The following PUF60 variants were observed in gnomAD, a reference collection of about 807,000 sequenced individuals.
PUF60 encodes poly(U)-binding-splicing factor PUF60.
PUF60 carries 10 observed loss-of-function variants against 61.8 expected under a neutral mutation model. The observed-to-expected ratio is 0.16, with a 90% CI of 0.10 to 0.27. The LOEUF (loss-of-function observed/expected upper bound fraction) is 0.27. Among genes scored for constraint, PUF60 ranks in the 10% least tolerant of loss-of-function variants. The pLI is 1.00. For missense variants in PUF60, 371 were observed against 754.0 expected, an observed-to-expected ratio of 0.49 and a Z score of 5.95; for synonymous variants, 353 against 300.9, an observed-to-expected ratio of 1.17 and a Z score of -1.79.
intron 1 of PUF60, among the ~76,000 whole-genome samples, chr8:143,825,629 TGC>T (rs1817555398): frequency 6.6e-6 from 1 of 152,050 alleles, no homozygotes; most frequent in African/African-American, 2.4e-5. Context: ...ACTCCAGGCA[TGC>T]GCCGCCACAC....
chr8:143,820,523 C>T (rs1008318001), intron 5 of PUF60, 143 bp downstream of exon 5: 46 of 967,098 alleles, frequency 4.8e-5, no homozygotes, highest in Admixed American at 1.9e-4. Flanking sequence ...GGCCCCACCA[C>T]GCCTGGCGCT....
rs1816493505 is a variant in PUF60 at position 143,817,530 on chromosome 8, G to A, written c.1008+62C>T. On this transcript the variant is annotated intron_variant, in intron 9 of 11. Coordinates refer to ENST00000526683, the MANE Select transcript of PUF60 (RefSeq NM_078480.3). The surrounding 1 kb of genome is among the most constrained non-coding windows in gnomAD (Gnocchi z 7.4). ...GGCTACTCAAGACCACCTTGAATCA[G>A]TCTCCAAGGAATCAGGGGCCAGCCC... 1.9e-6 allele frequency: 3 copies of A among 1,608,218 alleles called. No individual in the cohort carries two copies. The East Asian group carries it at 6.7e-5, about 36-fold the overall frequency.
rs781916079 is a variant in PUF60 at position 143,829,288 on chromosome 8, T to C, written c.16A>G (p.Ile6Val). 23 of 1,268,096 alleles carry C rather than the reference T, an allele frequency of 1.8e-5. No individual in the cohort carries two copies. Among genetic ancestry groups the C allele is most frequent in the Middle Eastern group, 2.0e-4 (1 of 4,918 alleles). The allele number at this position is 1,268,096 out of a possible 1,614,324, so 78.6% of individuals were successfully genotyped here. ...TGGGGGGGCTCACTTACGAGAGCTA[T>C]GGTCGCCGTCGCCATCTTGCGTCCG... MATAT[I>V]ALQVNGQQGG... The change falls in exon 1 of 12, where the codon ATA becomes GTA. Residue 6 changes from isoleucine to valine, a missense_variant. Around this residue, in one of 13 missense-constraint regions of PUF60, gnomAD observed 69 missense variants for 64.7 expected, o/e 1.07. Transcript: ENST00000526683.
At chr8:143,824,813 A>C in intron 1 of PUF60, 1 of 205,418 alleles carries the variant, frequency 4.9e-6, no homozygotes, top group Non-Finnish European at 1.0e-5. Flanking sequence ...CCAGCCCACA[A>C]CTCAGCCCCA....
At chr8:143,828,556 C>A (rs916374604) in intron 1 of PUF60, among the ~76,000 whole-genome samples, 1 of 152,212 alleles carries the variant, frequency 6.6e-6, no homozygotes. Context: ...CCTCTGGATG[C>A]CCACGCAGCT....
In PUF60 at chr8:143,818,213, G is replaced by T; in HGVS notation, c.583C>A (p.Leu195Met). The change falls in exon 7 of 12, where the codon CTG becomes ATG. Residue 195 changes from leucine to methionine, a missense_variant. Leu to Met is a conservative substitution (Grantham distance 15). This residue lies in a region of PUF60 where 31 missense variants were observed against 80.6 expected (regional missense o/e 0.38). Transcript: ENST00000526683. The surrounding 1 kb of genome is among the most constrained non-coding windows in gnomAD (Gnocchi z 7.9). ...LALEQMNSVM[L>M]GGRNIKVGRP... ...CTCACCTTGATGTTCCTGCCCCCCA[G>T]CATCACCGAGTTCATCTGCTCCAAG... The T allele has an allele frequency of 6.2e-7, 1 of 1,611,254 alleles. No homozygotes were observed. Among genetic ancestry groups the T allele is most frequent in the Non-Finnish European group, 8.5e-7 (1 of 1,179,198 alleles).
intron 1 of PUF60, chr8:143,824,748 C>A: frequency 2.9e-6 from 1 of 348,286 alleles, no homozygotes; most frequent in Non-Finnish European, 5.4e-6. Context: ...TGGGTGTCCC[C>A]CATGCCCTCC....
chr8:143,829,255 C>T lies in PUF60; in HGVS notation c.24+25G>A, dbSNP rs782314503. The T allele has an allele frequency of 7.2e-6, 9 of 1,251,130 alleles. No homozygotes were observed. The South Asian group carries it at 9.5e-5, about 13-fold the overall frequency. The allele number at this position is 1,251,130 out of a possible 1,614,324, so 77.5% of individuals were successfully genotyped here. On this transcript the variant is annotated intron_variant, in intron 1 of 11. Coordinates refer to ENST00000526683, the MANE Select transcript of PUF60 (RefSeq NM_078480.3). ...CCGGCCCCGCAAGCCGAGGGCCGCC[C>T]GCGCTCATGGGGGGGCTCACTTACG...
In PUF60 at chr8:143,816,494, T is replaced by C; in HGVS notation, c.*26A>G. 2 of 1,585,306 alleles carry C rather than the reference T, an allele frequency of 1.3e-6. No homozygotes were observed. The highest frequency in any genetic ancestry group is 1.7e-6 in the Non-Finnish European group (2 of 1,166,096). On this transcript the variant is annotated 3_prime_UTR_variant, in exon 12 of 12. Transcript: ENST00000526683. ...AAACCCAGAGGAAACAAGGAACAAG[T>C]GCAAGTCCGGGGAGAGGGACCACTG...
chr8:143,821,902 G>A lies in PUF60; in HGVS notation c.123C>T (p.Ser41=). 6.2e-7 allele frequency: 1 copy of A among 1,603,856 alleles called. No individual in the cohort carries two copies. The highest frequency in any genetic ancestry group is 8.5e-7 in the Non-Finnish European group (1 of 1,176,770). The change falls in exon 3 of 12, where the codon TCC becomes TCT. Residue 41 remains serine, a synonymous_variant. Coordinates refer to ENST00000526683, the MANE Select transcript of PUF60 (RefSeq NM_078480.3). ...DKWKPPQGTD[S]IKMENGQSTA... is the part of the protein sequence containing the mutation. ...TGCTCTGCCCGTTCTCCATCTTGAT[G>A]GAGTCTGTGCCCTGGTAAGGGAGCA...
chr8:143,829,036 G>A (rs1254822972), intron 1 of PUF60: 1 of 1,003,372 alleles, frequency 1.0e-6, no homozygotes, highest in Non-Finnish European at 1.2e-6. Context: ...GCCACACGCC[G>A]CGCCCAGGCC....
chr8:143,828,539 A>G (rs927698340), intron 1 of PUF60, among the ~76,000 whole-genome samples: 2 of 152,054 alleles, frequency 1.3e-5, no homozygotes, highest in Admixed American at 6.6e-5. Context: ...GCAGGGGGCG[A>G]CTCACTCCTC....
chr8:143,818,856 GGGGCTGGGTATCCCAGGCT>G lies in PUF60; in HGVS notation c.349-341_349-323del, dbSNP rs756797125. The G allele has an allele frequency of 4.7e-4, 175 of 370,374 alleles. No individual in the cohort carries two copies. Among genetic ancestry groups the G allele is most frequent in the Admixed American group, 9.2e-4 (21 of 22,940 alleles). The allele number at this position is 370,374 out of a possible 1,614,324, so 22.9% of individuals were successfully genotyped here. On this transcript the variant is annotated intron_variant, in intron 5 of 11. Coordinates refer to ENST00000526683, the MANE Select transcript of PUF60 (RefSeq NM_078480.3). The surrounding 1 kb of genome is among the most constrained non-coding windows in gnomAD (Gnocchi z 7.9). Reference sequence around the variant, plus strand: ...CCACCCAGACCACCCCTCCAGTCTGGGGGCTGGGTATCCCAGGCTGGGCTGGGAGATCCTCCCACTGTCC... The same window carrying G: ...CCACCCAGACCACCCCTCCAGTCTGGGGGCTGGGAGATCCTCCCACTGTCC...
chr8:143,829,227 G>C, intron 1 of PUF60, 53 bp downstream of exon 1: 1 of 1,237,658 alleles, frequency 8.1e-7, no homozygotes, highest in Non-Finnish European at 1.0e-6. Context: ...CTGGGTCGAC[G>C]ACCCGGCCCC....
chr8:143,821,490 G>GT (rs1817014204), intron 4 of PUF60, 107 bp downstream of exon 4: 5 of 1,060,516 alleles, frequency 4.7e-6, no homozygotes, highest in South Asian at 1.4e-5. Context: ...TCGGAGCACT[G>GT]TAACAGCTTG....
chr8:143,821,388 T>C (rs1407311380), intron 4 of PUF60: 2 of 606,488 alleles, frequency 3.3e-6, no homozygotes, highest in East Asian at 5.5e-5. Context: ...GCTGCGGCGC[T>C]TTAGGGGCTC....
At chr8:143,829,147 G>A (rs1271784056) in intron 1 of PUF60, 133 bp downstream of exon 1, 4 of 1,205,616 alleles carry the variant, frequency 3.3e-6, no homozygotes, top group Non-Finnish European at 4.1e-6. Context: ...CACGCGACCC[G>A]GGGACACGAG....
Position 143,816,490 on chromosome 8 carries a change from CA to C in PUF60, c.*29del, listed in dbSNP as rs1816295550. Reference sequence around the variant, plus strand: ...TATAAAACCCAGAGGAAACAAGGAACAAGTGCAAGTCCGGGGAGAGGGACCA... The same window carrying C: ...TATAAAACCCAGAGGAAACAAGGAACAGTGCAAGTCCGGGGAGAGGGACCA... On this transcript the variant is annotated 3_prime_UTR_variant, in exon 12 of 12. Coordinates refer to ENST00000526683, the MANE Select transcript of PUF60 (RefSeq NM_078480.3). 1 of 1,580,794 alleles carries C rather than the reference CA, an allele frequency of 6.3e-7. No individual in the cohort carries two copies. The highest frequency in any genetic ancestry group is 8.6e-7 in the Non-Finnish European group (1 of 1,164,148).
rs557212128 is a variant in PUF60 at position 143,816,412 on chromosome 8, T to C, written c.*108A>G. Reference sequence around the variant, plus strand: ...GCAGCATCCGCACCTTTATCCGCACTGTAGGCTGGGCTGGGCAGAGCGCGC... The same window carrying C: ...GCAGCATCCGCACCTTTATCCGCACCGTAGGCTGGGCTGGGCAGAGCGCGC... On this transcript the variant is annotated 3_prime_UTR_variant, in exon 12 of 12. Coordinates refer to ENST00000526683, the MANE Select transcript of PUF60 (RefSeq NM_078480.3). 3.4e-5 allele frequency: 44 copies of C among 1,294,848 alleles called. No individual in the cohort carries two copies. In the African/African-American group the frequency reaches 3.4e-4, roughly 10 times the overall value. 80.2% of individuals were successfully genotyped at this position (1,294,848 alleles called of 1,614,324 possible).
Sources: allele counts gnomAD v4.1 joint callset (sites outside exome capture counted in the v4.1 genomes callset), GRCh38; gene constraint gnomAD v4.1.1; regional missense constraint gnomAD v4.1.1; non-coding constraint Gnocchi (gnomAD v3.1); transcripts MANE v1.5; gene names NCBI Gene and HGNC (gene_info 2026-07-23, HGNC 2026-07-21).